Variants in TIPIN observed in about 807,000 individuals in gnomAD.
TIPIN encodes TIMELESS interacting protein.
TIPIN carries 29 observed loss-of-function variants against 35.6 expected under a neutral mutation model. The ratio of observed to expected loss-of-function variants is 0.82; its 90% confidence interval spans 0.61 to 1.11. The LOEUF is 1.11. Ranked by LOEUF, TIPIN falls within the 50% of genes most tolerant of loss-of-function variation. The pLI, the probability that TIPIN is intolerant of heterozygous loss-of-function variation, is 0.00. For missense variants in TIPIN, 296 were observed against 345.4 expected (o/e 0.86, Z 1.13); for synonymous variants, 102 against 121.5 (o/e 0.84, Z 1.06).
rs1469627478 is a variant in TIPIN at position 66,341,157 on chromosome 15, T to A, written c.675A>T (p.Leu225=). The A allele has an allele frequency of 2.5e-6, 4 of 1,610,648 alleles. No homozygotes were observed. The highest frequency in any genetic ancestry group is 3.4e-6 in the Non-Finnish European group (4 of 1,179,656). ...QAKLLSNSQT[L]GNDMLMNTPR... ...ATTTGGCATAAAATTTACCATTTCCTAGGGTCTGACTATTACTCAGCAGCT... is the reference window on the plus strand; with the variant it reads ...ATTTGGCATAAAATTTACCATTTCCAAGGGTCTGACTATTACTCAGCAGCT... Residue 225 remains leucine, a synonymous_variant, in exon 7 of 8, where the codon CTA becomes CTT. Coordinates refer to ENST00000261881, the MANE Select transcript of TIPIN (RefSeq NM_017858.3).
At chr15:66,369,281 TC>T (rs2093268977) in intron 1 of TIPIN, among the ~76,000 whole-genome samples, 2 of 151,930 alleles carry the variant, frequency 1.3e-5, no homozygotes. Flanking sequence ...CAGAAGAGAT[TC>T]CTTGCTCCCT....
upstream of TIPIN, among the ~76,000 whole-genome samples, chr15:66,358,152 AAAT>A (rs947531072): frequency 3.3e-5 from 5 of 152,204 alleles, no homozygotes; most frequent in African/African-American, 1.2e-4. Context: ...TAGTAAGTCC[AAAT>A]ATATTTGTAT....
chr15:66,358,961 T>C (rs1301374978), upstream of TIPIN, among the ~76,000 whole-genome samples: 1 of 151,796 alleles, frequency 6.6e-6, no homozygotes, highest in Non-Finnish European at 1.5e-5. Flanking sequence ...AGAGAATCGC[T>C]TGAACCCAGG....
chr15:66,383,681 T>C (rs948461930), intron 1 of TIPIN: 11 of 720,432 alleles, frequency 1.5e-5, no homozygotes, highest in South Asian at 6.3e-5. Flanking sequence ...TCTATGCCTC[T>C]ATATTAAAAA....
rs150227183 is a variant in TIPIN at position 66,374,379 on chromosome 15, G to A, written c.-9+12228C>T. On this transcript the variant is annotated intron_variant, in intron 1 of 7. Coordinates refer to the TIPIN transcript ENST00000562124. The stretch of plus-strand genomic sequence containing the variant: ...CTATTTGGATATCTTCCCTTGTGAA[G>A]TTCCTGTTCAAGTGTTTTGCCCATT... Among the ~76,000 whole-genome samples, 361 of 150,746 alleles carry A rather than the reference G, an allele frequency of 2.4e-3. 1 individual carries two copies. The highest frequency in any genetic ancestry group is 4.5e-3 in the Non-Finnish European group (304 of 67,994).
chr15:66,379,873 T>C, intron 1 of TIPIN: 1 of 1,591,728 alleles, frequency 6.3e-7, no homozygotes, highest in Non-Finnish European at 8.5e-7. Context: ...ATGTTGACAT[T>C]TTCTGGAATG....
At chr15:66,356,816 C>T (rs1477574950), upstream of TIPIN, 1 of 805,936 alleles carries the variant, frequency 1.2e-6, no homozygotes. Flanking sequence ...GCACGCCGGT[C>T]CCGCCTTCGG....
chr15:66,350,265 G>C (rs1269540972), intron 4 of TIPIN, among the ~76,000 whole-genome samples: 2 of 151,728 alleles, frequency 1.3e-5, no homozygotes, highest in Non-Finnish European at 2.9e-5. Flanking sequence ...ACCCCGCCTG[G>C]ATACAGATTC....
At chr15:66,382,114 T>C (rs151010831) in intron 1 of TIPIN, among the ~76,000 whole-genome samples, 66 of 152,310 alleles carry the variant, frequency 4.3e-4, no homozygotes, top group Middle Eastern at 3.4e-3. Context: ...TGAAAACCTA[T>C]CACCATCACC....
intron 4 of TIPIN, among the ~76,000 whole-genome samples, chr15:66,349,804 T>TG (rs1401075255): frequency 6.6e-6 from 1 of 151,854 alleles, no homozygotes; most frequent in Non-Finnish European, 1.5e-5. Context: ...TCCCTGAGCC[T>TG]GGGGGGCAGA....
chr15:66,346,663 A>G (rs75930779), intron 6 of TIPIN, among the ~76,000 whole-genome samples: 1 of 152,194 alleles, frequency 6.6e-6, no homozygotes, highest in Non-Finnish European at 1.5e-5. Flanking sequence ...GGGCACCTCA[A>G]AAAGTAACCC....
intron 1 of TIPIN, among the ~76,000 whole-genome samples, chr15:66,374,306 A>C (rs775673160): frequency 2.0e-5 from 3 of 150,964 alleles, no homozygotes; most frequent in Non-Finnish European, 2.9e-5. Context: ...TTTAATTTGC[A>C]TTTCCCCATA....
At chr15:66,383,037 C>T (rs956118215) in intron 1 of TIPIN, 13 of 981,324 alleles carry the variant, frequency 1.3e-5, no homozygotes, top group Non-Finnish European at 1.6e-5. Context: ...CTTCTTGGAT[C>T]ATGATAAGGG....
At chr15:66,350,559 C>T (rs536089023) in intron 4 of TIPIN, among the ~76,000 whole-genome samples, 5 of 150,612 alleles carry the variant, frequency 3.3e-5, no homozygotes, top group East Asian at 2.0e-4. Flanking sequence ...GAGCCAAGGT[C>T]GAGCCATTGC....
intron 1 of TIPIN, among the ~76,000 whole-genome samples, chr15:66,369,818 G>A (rs1456982264): frequency 6.6e-6 from 1 of 152,156 alleles, no homozygotes; most frequent in African/African-American, 2.4e-5. Flanking sequence ...TGCTGTATAG[G>A]TCCCACATCC....
chr15:66,379,443 G>A (rs1262750272), intron 1 of TIPIN: 5 of 1,603,900 alleles, frequency 3.1e-6, no homozygotes, highest in African/African-American at 1.3e-5. Context: ...AATCAAAGCC[G>A]CTGAATTTGA....
intron 1 of TIPIN, among the ~76,000 whole-genome samples, chr15:66,365,115 T>C (rs1175154069): frequency 2.0e-5 from 3 of 152,082 alleles, no homozygotes; most frequent in African/African-American, 7.2e-5. Flanking sequence ...TTAGGCATTC[T>C]TTGTCTCAAA....
intron 6 of TIPIN, among the ~76,000 whole-genome samples, chr15:66,342,136 G>GC (rs2093091752): frequency 7.2e-6 from 1 of 139,152 alleles, no homozygotes. Context: ...GCAGCAGTGA[G>GC]CAAGATTGCG....
intron 4 of TIPIN, among the ~76,000 whole-genome samples, chr15:66,350,614 A>G (rs1428044547): frequency 8.2e-6 from 1 of 122,390 alleles, no homozygotes; most frequent in Non-Finnish European, 1.9e-5. Flanking sequence ...TCAAAAAAAC[A>G]AAAAAAAAAA....
Sources: gnomAD v4.1 joint callset for allele counts (sites outside exome capture counted in the v4.1 genomes callset) on GRCh38, gnomAD v4.1.1 for gene constraint, MANE v1.5 for transcripts, NCBI Gene and HGNC (gene_info 2026-07-23, HGNC 2026-07-21) for gene names.